Variants in SEMA3A observed in about 807,000 individuals in gnomAD.
SEMA3A encodes semaphorin 3A.
SEMA3A carries 29 observed loss-of-function variants against 97.9 expected under a neutral mutation model. The ratio of observed to expected loss-of-function variants is 0.30; its 90% CI spans 0.22 to 0.40. The LOEUF is 0.40. Among genes scored for constraint, SEMA3A ranks in the 10% least tolerant of loss-of-function variants. SEMA3A has a pLI of 1.00. For synonymous variants in SEMA3A, 321 were observed against 323.7 expected, an observed-to-expected ratio of 0.99 and a Z score of 0.09; for missense variants, 763 against 951.3, an observed-to-expected ratio of 0.80 and a Z score of 2.60.
chr7:84,367,763 T>G (rs1802885421), intron 2 of SEMA3A, among the ~76,000 whole-genome samples: 1 of 151,048 alleles, frequency 6.6e-6, no homozygotes, highest in African/African-American at 2.4e-5. Context: ...CAGATCCGGT[T>G]GAAGATAAAG....
rs539048760 is a variant in SEMA3A, at chr7:84,068,101, T to A, written c.454-7543A>T. On this transcript the variant is annotated intron_variant, in intron 4 of 16. Coordinates refer to ENST00000265362, the MANE Select transcript of SEMA3A (RefSeq NM_006080.3). ...TGGAATACTATGCAGCCATAACAAA[T>A]GATGAGTTCATGTCCTTTGTAGGGA... is the stretch of plus-strand genomic sequence containing the variant. 1.3e-3 allele frequency among the ~76,000 whole-genome samples: 164 copies of A among 127,788 alleles called. 4 individuals carry two copies. The East Asian group carries it at 0.03, about 24-fold the overall frequency. 83.8% of individuals were successfully genotyped at this position (127,788 alleles called of 152,430 possible).
intron 2 of SEMA3A, among the ~76,000 whole-genome samples, chr7:84,369,981 C>G (rs1802937517): frequency 1.3e-5 from 2 of 150,882 alleles, no homozygotes; most frequent in Admixed American, 1.3e-4. Context: ...GAAAGTCATA[C>G]CAAATAGGAA....
intron 1 of SEMA3A, among the ~76,000 whole-genome samples, chr7:84,186,872 T>C (rs1797903332): frequency 6.6e-6 from 1 of 152,138 alleles, no homozygotes; most frequent in Non-Finnish European, 1.5e-5. Context: ...TCTCCCACCC[T>C]CTCAATCAGT....
intron 1 of SEMA3A, among the ~76,000 whole-genome samples, chr7:84,376,003 C>T (rs2116118581): frequency 6.6e-6 from 1 of 152,264 alleles, no homozygotes; most frequent in East Asian, 1.9e-4. Context: ...CCATCCATGT[C>T]CTTACATGAA....
intron 3 of SEMA3A, among the ~76,000 whole-genome samples, chr7:84,251,977 T>A (rs1358548307): frequency 6.6e-6 from 1 of 152,174 alleles, no homozygotes; most frequent in African/African-American, 2.4e-5. Context: ...ATTATTCTTA[T>A]AATAAATAAA....
At chr7:84,209,508 T>C (rs928086848) in intron 3 of SEMA3A, among the ~76,000 whole-genome samples, 1 of 152,218 alleles carries the variant, frequency 6.6e-6, no homozygotes, top group South Asian at 2.1e-4. Flanking sequence ...TCCTTTTCTA[T>C]ACATGAATGA....
chr7:84,203,719 A>AG (rs1446715556), intron 3 of SEMA3A, among the ~76,000 whole-genome samples: 1 of 150,816 alleles, frequency 6.6e-6, no homozygotes, highest in Non-Finnish European at 1.5e-5. Flanking sequence ...TTTAGTAGGG[A>AG]GGGGGTTCAC....
chr7:84,058,725 C>A (rs1022878763), intron 5 of SEMA3A, among the ~76,000 whole-genome samples: 6 of 152,144 alleles, frequency 3.9e-5, no homozygotes, highest in Non-Finnish European at 8.8e-5. Context: ...GTCTGCACTT[C>A]CATCTGAAAG....
At chr7:84,079,605 CTCA>C (rs1001300280) in intron 4 of SEMA3A, among the ~76,000 whole-genome samples, 156 of 150,514 alleles carry the variant, frequency 1.0e-3, no homozygotes, top group African/African-American at 3.8e-3. Flanking sequence ...TGAAAAAATG[CTCA>C]TCATCACTGG....
At chr7:84,147,515 A>G (rs756838030) in intron 1 of SEMA3A, among the ~76,000 whole-genome samples, 32 of 152,188 alleles carry the variant, frequency 2.1e-4, no homozygotes, top group Non-Finnish European at 4.1e-4. Context: ...CAGAGTGAGA[A>G]GAAAGAGAGC....
At chr7:84,416,368 A>T (rs1804435335) in intron 1 of SEMA3A, among the ~76,000 whole-genome samples, 1 of 152,092 alleles carries the variant, frequency 6.6e-6, no homozygotes, top group South Asian at 2.1e-4. Flanking sequence ...CTCCCCAGCC[A>T]TGTGGAACTG....
intron 1 of SEMA3A, among the ~76,000 whole-genome samples, chr7:84,448,883 C>T (rs1025029151): frequency 6.6e-6 from 1 of 152,016 alleles, no homozygotes; most frequent in African/African-American, 2.4e-5. Context: ...GGGCATCACA[C>T]TTTCTGATTA....
intron 10 of SEMA3A, 112 bp downstream of exon 10, chr7:84,007,241 A>G: frequency 1.2e-6 from 1 of 821,704 alleles, no homozygotes; most frequent in Non-Finnish European, 1.7e-6. Context: ...ATAATCTTGA[A>G]ATCTTTTTTC....
chr7:83,957,725 AAAT>A lies in SEMA3A; in HGVS notation c.*3643_*3645del, dbSNP rs1346177989. Reference sequence around the variant, plus strand: ...TAATGAGATTTTACAGATTTTTGAAAAATAATGTTTTCTTCTTTATGGAAACAT... The same window carrying A: ...TAATGAGATTTTACAGATTTTTGAAAAATGTTTTCTTCTTTATGGAAACAT... On this transcript the variant is annotated 3_prime_UTR_variant, in exon 17 of 17. Coordinates refer to ENST00000265362, the MANE Select transcript of SEMA3A (RefSeq NM_006080.3). 3 of 152,124 alleles carry A rather than the reference AAAT, an allele frequency of 2.0e-5. No individual in the cohort carries two copies. The allele number at this position is 152,124 out of a possible 1,614,324, so 9.4% of individuals were successfully genotyped here. A position where few individuals can be genotyped will look rare whatever the true frequency, so the allele number is the denominator to read the frequency against.
intron 3 of SEMA3A, among the ~76,000 whole-genome samples, chr7:84,224,137 C>T (rs1343061384): frequency 1.3e-5 from 2 of 151,664 alleles, no homozygotes; most frequent in Non-Finnish European, 3.0e-5. Context: ...ATTCATTTGC[C>T]CTGTATTCTA....
chr7:84,391,122 A>G (rs1323100233), intron 1 of SEMA3A, among the ~76,000 whole-genome samples: 1 of 152,168 alleles, frequency 6.6e-6, no homozygotes, highest in Admixed American at 6.6e-5. Flanking sequence ...TGGAAACATC[A>G]GCCTTATTAG....
chr7:84,148,972 TGTTAGTA>T (rs1367540641), intron 1 of SEMA3A, among the ~76,000 whole-genome samples: 1 of 152,176 alleles, frequency 6.6e-6, no homozygotes, highest in African/African-American at 2.4e-5. Flanking sequence ...AACAGAAGGC[TGTTAGTA>T]GTTAAGTTTT....
intron 4 of SEMA3A, among the ~76,000 whole-genome samples, chr7:84,091,246 G>GGAAA (rs201601564): frequency 1.2e-4 from 10 of 81,658 alleles, no homozygotes; most frequent in African/African-American, 1.2e-4. Flanking sequence ...AAGGAAGGAA[G>GGAAA]GAAAGAACGA....
chr7:84,248,492 C>T (rs898133957), intron 3 of SEMA3A, among the ~76,000 whole-genome samples: 2 of 152,180 alleles, frequency 1.3e-5, no homozygotes, highest in Admixed American at 1.3e-4. Flanking sequence ...TCATCATAAA[C>T]TGAGCATTCA....
Sources: allele counts gnomAD v4.1 joint callset (sites outside exome capture counted in the v4.1 genomes callset), GRCh38; gene constraint gnomAD v4.1.1; transcripts MANE v1.5; gene names NCBI Gene and HGNC (gene_info 2026-07-23, HGNC 2026-07-21).